COP1: variants seen among roughly 807,000 people sequenced by gnomAD.
COP1 encodes COP1 E3 ubiquitin ligase.
Under a neutral mutation model 101.3 loss-of-function variants are expected in COP1, and 24 were observed. The observed-to-expected ratio is 0.24, with a 90% CI of 0.17 to 0.33. COP1 has a LOEUF of 0.33. Ranked by LOEUF, COP1 falls within the 10% of genes least tolerant of loss-of-function variation. COP1 has a pLI of 1.00. For missense variants in COP1, 663 were observed against 906.2 expected, an observed-to-expected ratio of 0.73 and a Z score of 3.45; for synonymous variants, 347 against 341.9, an observed-to-expected ratio of 1.01 and a Z score of -0.17.
intron 1 of COP1, among the ~76,000 whole-genome samples, 174 bp from the exon 2 acceptor site, chr1:176,184,866 T>G (rs1698252876): frequency 6.6e-6 from 1 of 152,190 alleles, no homozygotes; most frequent in South Asian, 2.1e-4. Context: ...TTTAGGGGAT[T>G]GTTGGTAAAA....
At chr1:176,038,968 A>C (rs1670050467) in intron 14 of COP1, among the ~76,000 whole-genome samples, 1 of 152,226 alleles carries the variant, frequency 6.6e-6, no homozygotes, top group Non-Finnish European at 1.5e-5. Context: ...ACCATCAAAC[A>C]ACTGGATGTA....
chr1:175,981,261 G>A (rs1286408880), intron 18 of COP1, among the ~76,000 whole-genome samples: 1 of 152,048 alleles, frequency 6.6e-6, no homozygotes, highest in African/African-American at 2.4e-5. Flanking sequence ...TTCATGGTTT[G>A]CAAATGTTTT....
chr1:175,953,585 C>T, intron 18 of COP1, among the ~76,000 whole-genome samples: 1 of 151,710 alleles, frequency 6.6e-6, no homozygotes, highest in Admixed American at 6.6e-5. Context: ...AAGTGAGACC[C>T]TGTCTTAAAA....
intron 1 of COP1, among the ~76,000 whole-genome samples, chr1:176,203,094 T>C (rs1031901807): frequency 6.6e-6 from 1 of 151,874 alleles, no homozygotes; most frequent in Non-Finnish European, 1.5e-5. Flanking sequence ...TCCCAGCACT[T>C]TGGGAGGCAG....
At chr1:176,042,288 A>AT (rs397982021) in intron 14 of COP1, among the ~76,000 whole-genome samples, 2 of 146,394 alleles carry the variant, frequency 1.4e-5, no homozygotes, top group East Asian at 2.0e-4. Flanking sequence ...AAAAAAAAAA[A>AT]GGTGGCTCAT....
rs147937355 is a variant in COP1 at position 176,039,342 on chromosome 1, C to A, written c.1612+3844G>T. Among the ~76,000 whole-genome samples the A allele has an allele frequency of 2.6e-3, 400 of 151,860 alleles. 3 individuals are homozygous for A. Among genetic ancestry groups the A allele is most frequent in the African/African-American group, 9.2e-3 (382 of 41,432 alleles). On this transcript the variant is annotated intron_variant, in intron 14 of 19. Transcript: ENST00000367669. ...AAAGGGAAATTCATAGCACTGAATA[C>A]ATATATTAGAAGATCTAAAATCAAT...
chr1:175,992,820 C>G (rs979905098), intron 15 of COP1, among the ~76,000 whole-genome samples: 1 of 151,854 alleles, frequency 6.6e-6, no homozygotes, highest in African/African-American at 2.4e-5. Flanking sequence ...TGGGGGCAGG[C>G]ACAGACAAAA....
At position 175,959,877 on chromosome 1, in the gene COP1, A is replaced by G. The variant is rs150941517; in HGVS notation, c.2134-12638T>C. Among the ~76,000 whole-genome samples the G allele has an allele frequency of 2.6e-3, 399 of 152,264 alleles. 3 individuals are homozygous for G. Among genetic ancestry groups the G allele is most frequent in the African/African-American group, 9.2e-3 (381 of 41,574 alleles). On this transcript the variant is annotated intron_variant, in intron 18 of 19. Coordinates refer to ENST00000367669, the MANE Select transcript of COP1 (RefSeq NM_022457.7). ...TGTATAATAGATCAAATACATCTTC[A>G]GGGCTTTCTCAAAATGTACAGAGTC...
At position 176,173,986 on chromosome 1, in the gene COP1, CAAAAAAAA is replaced by C. The variant is rs1212803591; in HGVS notation, c.565+1916_565+1923del. On this transcript the variant is annotated intron_variant, in intron 3 of 19. Coordinates refer to ENST00000367669, the MANE Select transcript of COP1 (RefSeq NM_022457.7). ...TGGGCAACAGAGTGAGATGCTGTCTCAAAAAAAAAAAAAAAAAAAAAAGAGAATATATA... is the reference window on the plus strand; with the variant it reads ...TGGGCAACAGAGTGAGATGCTGTCTCAAAAAAAAAAAAAAGAGAATATATA... Among the ~76,000 whole-genome samples the C allele has an allele frequency of 1.0e-4, 5 of 49,062 alleles. 1 individual carries two copies. In the Admixed American group the frequency reaches 1.4e-3, roughly 14 times the overall value. The allele number at this position is 49,062 out of a possible 152,430, so 32.2% of individuals were successfully genotyped here. A position where few individuals can be genotyped will look rare whatever the true frequency, so the allele number is the denominator to read the frequency against.
At chr1:176,082,040 G>C (rs148600012) in intron 10 of COP1, among the ~76,000 whole-genome samples, 1 of 152,108 alleles carries the variant, frequency 6.6e-6, no homozygotes. Flanking sequence ...TTAAAACATA[G>C]TATCAGTTTA....
chr1:176,085,296 T>TAGA (rs1380510582), intron 10 of COP1, among the ~76,000 whole-genome samples: 1 of 152,098 alleles, frequency 6.6e-6, no homozygotes, highest in East Asian at 1.9e-4. Context: ...GTGGATATTA[T>TAGA]TATCTATTCT....
At chr1:176,075,441 C>T (rs1420107109) in intron 11 of COP1, among the ~76,000 whole-genome samples, 1 of 152,102 alleles carries the variant, frequency 6.6e-6, no homozygotes, top group Non-Finnish European at 1.5e-5. Context: ...ACCAAATTCC[C>T]GATATGCCTC....
At position 176,163,007 on chromosome 1, in the gene COP1, G is replaced by A; in HGVS notation, c.643-19C>T. 6.3e-7 allele frequency: 1 copy of A among 1,587,050 alleles called. No individual in the cohort carries two copies. The highest frequency in any genetic ancestry group is 8.5e-7 in the Non-Finnish European group (1 of 1,169,782). On this transcript the variant is annotated intron_variant, in intron 4 of 19. Coordinates refer to ENST00000367669, the MANE Select transcript of COP1 (RefSeq NM_022457.7). The stretch of plus-strand genomic sequence containing the variant: ...GGCCATTCTAAAAATGAAGAAAGAA[G>A]AAACACAACAACTTCCTATGAAGAC...
chr1:175,975,381 C>T (rs775766301), intron 18 of COP1, among the ~76,000 whole-genome samples: 9 of 152,126 alleles, frequency 5.9e-5, no homozygotes, highest in Non-Finnish European at 8.8e-5. Context: ...CCACAACCAT[C>T]CCGAAGTTAT....
At position 175,994,098 on chromosome 1, in the gene COP1, C is replaced by T. The variant is rs371113275; in HGVS notation, c.1730-4619G>A. On this transcript the variant is annotated intron_variant, in intron 15 of 19. Transcript: ENST00000367669. ...GAGTGGGGGCCAATATTCAACATTC[C>T]TAAAGAAAAGAATTTTCAACCCAGA... Among the ~76,000 whole-genome samples the T allele has an allele frequency of 3.4e-3, 513 of 152,156 alleles. 5 individuals carry two copies. The highest frequency in any genetic ancestry group is 0.012 in the African/African-American group (483 of 41,516).
intron 15 of COP1, among the ~76,000 whole-genome samples, chr1:176,019,882 C>T (rs951169995): frequency 2.6e-5 from 4 of 151,902 alleles, no homozygotes; most frequent in East Asian, 1.9e-4. Context: ...TCACTAACGG[C>T]GTTACAGGAA....
chr1:176,077,761 T>C (rs148548203), intron 11 of COP1, among the ~76,000 whole-genome samples: 73 of 152,286 alleles, frequency 4.8e-4, no homozygotes, highest in African/African-American at 1.7e-3. Context: ...CCCTAAAGAC[T>C]CTGCCAAAAG....
intron 6 of COP1, among the ~76,000 whole-genome samples, chr1:176,142,328 AG>A (rs749433339): frequency 7.7e-4 from 118 of 152,258 alleles, no homozygotes; most frequent in Non-Finnish European, 1.4e-3. Context: ...TAATAAAAAA[AG>A]AAATATAAAA....
intron 9 of COP1, among the ~76,000 whole-genome samples, chr1:176,091,457 CAAAT>C (rs953913208): frequency 3.2e-4 from 49 of 151,800 alleles, no homozygotes; most frequent in African/African-American, 1.2e-3. Flanking sequence ...AGGAAACGAG[CAAAT>C]AAATAAGTGA....
Sources: allele counts gnomAD v4.1 joint callset (sites outside exome capture counted in the v4.1 genomes callset), GRCh38; gene constraint gnomAD v4.1.1; transcripts MANE v1.5; gene names NCBI Gene and HGNC (gene_info 2026-07-23, HGNC 2026-07-21).